Variants in PRDM5 observed in about 807,000 individuals in gnomAD.
PRDM5 encodes the protein PR/SET domain 5.
A neutral mutation model predicts 81.2 loss-of-function variants in PRDM5; 56 were observed. The ratio of observed to expected loss-of-function variants is 0.69; its 90% CI spans 0.56 to 0.86. PRDM5 has a LOEUF of 0.86. PRDM5 is among the 40% of genes least tolerant of loss of function. The probability of loss-of-function intolerance (pLI) is 0.00; values close to 1 mark genes in which losing one functional copy is unlikely to be tolerated. For missense variants in PRDM5, 697 were observed against 770.1 expected (o/e 0.91, Z 1.12); for synonymous variants, 267 against 256.4 (o/e 1.04, Z -0.39).
At chr4:120,852,110 C>T (rs923043755) in intron 3 of PRDM5, among the ~76,000 whole-genome samples, 2 of 152,026 alleles carry the variant, frequency 1.3e-5, no homozygotes, top group East Asian at 1.9e-4. Flanking sequence ...AAAACTATAT[C>T]GTTTTCTCTT....
chr4:120,857,977 G>T (rs2148485935), intron 2 of PRDM5, among the ~76,000 whole-genome samples: 1 of 152,136 alleles, frequency 6.6e-6, no homozygotes, highest in Admixed American at 6.5e-5. Flanking sequence ...AGCCAGATTT[G>T]CCCCCCAGAA....
chr4:120,845,284 T>C (rs1758529712), intron 3 of PRDM5, among the ~76,000 whole-genome samples: 1 of 152,218 alleles, frequency 6.6e-6, no homozygotes, highest in South Asian at 2.1e-4. Context: ...GAAGATACCA[T>C]CTAGAATTTT....
At chr4:120,710,259 C>T (rs1410622065) in intron 15 of PRDM5, 50 bp downstream of exon 15, 7 of 1,469,016 alleles carry the variant, frequency 4.8e-6, no homozygotes, top group Non-Finnish European at 6.6e-6. Flanking sequence ...ACACACACCC[C>T]TACTTTCTGT....
chr4:120,780,329 A>G (rs1044416215), intron 12 of PRDM5, among the ~76,000 whole-genome samples: 2 of 152,006 alleles, frequency 1.3e-5, no homozygotes, highest in Non-Finnish European at 2.9e-5. Context: ...GACTAGTCTC[A>G]GCTACTCGGG....
intron 14 of PRDM5, among the ~76,000 whole-genome samples, chr4:120,742,033 A>G (rs566021434): frequency 1.3e-5 from 2 of 152,358 alleles, no homozygotes; most frequent in Non-Finnish European, 2.9e-5. Flanking sequence ...TCCCTGTCTG[A>G]CAGCTTTGAA....
At chr4:120,735,779 C>A (rs1350030686) in intron 14 of PRDM5, among the ~76,000 whole-genome samples, 1 of 152,064 alleles carries the variant, frequency 6.6e-6, no homozygotes, top group Non-Finnish European at 1.5e-5. Context: ...ATCACCTGGA[C>A]AGGATAACAA....
chr4:120,746,737 C>T (rs1743133884), intron 14 of PRDM5, among the ~76,000 whole-genome samples: 1 of 146,366 alleles, frequency 6.8e-6, no homozygotes, highest in African/African-American at 2.5e-5. Context: ...CAATGAGATA[C>T]CATCTCACAC....
intron 14 of PRDM5, among the ~76,000 whole-genome samples, chr4:120,711,704 T>C (rs1737012225): frequency 6.6e-6 from 1 of 152,052 alleles, no homozygotes; most frequent in African/African-American, 2.4e-5. Flanking sequence ...ATAAAAACAA[T>C]AAAGAAAACT....
At chr4:120,710,954 C>T (rs1238113425) in intron 14 of PRDM5, among the ~76,000 whole-genome samples, 3 of 152,322 alleles carry the variant, frequency 2.0e-5, no homozygotes, top group African/African-American at 7.2e-5. Flanking sequence ...GAATAACCCA[C>T]ATCTGTCAGA....
chr4:120,922,693 G>T lies in PRDM5; in HGVS notation c.-85C>A. ...GCACATCGAAATTTGGGGTGCCAGG[G>T]TAGAGGGGAGAAACCGGCAGGGAAG... On this transcript the variant is annotated 5_prime_UTR_variant, in exon 1 of 16. Coordinates refer to ENST00000264808, the MANE Select transcript of PRDM5 (RefSeq NM_018699.4). The T allele has an allele frequency of 6.6e-7, 1 of 1,517,092 alleles. No homozygotes were observed. The highest frequency in any genetic ancestry group is 8.9e-7 in the Non-Finnish European group (1 of 1,118,720). The allele number at this position is 1,517,092 out of a possible 1,614,324, so 94.0% of individuals were successfully genotyped here.
At chr4:120,781,408 C>T (rs1156931486) in intron 11 of PRDM5, 105 bp from the exon 12 acceptor site, 3 of 1,003,458 alleles carry the variant, frequency 3.0e-6, no homozygotes, top group East Asian at 2.6e-5. Context: ...GGCTTTGTAG[C>T]TCTAAGAATG....
chr4:120,910,762 G>T (rs1459569032), intron 1 of PRDM5, among the ~76,000 whole-genome samples: 1 of 152,098 alleles, frequency 6.6e-6, no homozygotes, highest in African/African-American at 2.4e-5. Flanking sequence ...GTATATACAT[G>T]TGCCTTAGTA....
intron 3 of PRDM5, among the ~76,000 whole-genome samples, chr4:120,845,783 G>A (rs1758585876): frequency 6.6e-6 from 1 of 152,184 alleles, no homozygotes; most frequent in Non-Finnish European, 1.5e-5. Flanking sequence ...GTAGACCTGA[G>A]CAAAGTAAAT....
chr4:120,835,098 GC>G (rs1452424928), intron 3 of PRDM5, among the ~76,000 whole-genome samples: 2 of 152,184 alleles, frequency 1.3e-5, no homozygotes, highest in Admixed American at 1.3e-4. Flanking sequence ...GCACTTATGA[GC>G]TCTTAGGACT....
downstream of PRDM5, among the ~76,000 whole-genome samples, chr4:120,689,849 A>C (rs1733970865): frequency 6.6e-6 from 1 of 152,078 alleles, no homozygotes; most frequent in African/African-American, 2.4e-5. Flanking sequence ...TCCTGGGCTC[A>C]AGTGATCTGC....
intron 15 of PRDM5, among the ~76,000 whole-genome samples, chr4:120,696,047 A>T (rs181632092): frequency 2.6e-5 from 4 of 152,226 alleles, no homozygotes; most frequent in Admixed American, 6.6e-5. Context: ...AAAACCTTAC[A>T]CTGAAACAAA....
At chr4:120,805,483 C>T (rs1752780289) in intron 8 of PRDM5, among the ~76,000 whole-genome samples, 2 of 152,160 alleles carry the variant, frequency 1.3e-5, no homozygotes, top group South Asian at 4.1e-4. Context: ...TCCAGCAGCA[C>T]ATCAAAAAGC....
At chr4:120,700,694 G>A (rs796930528) in intron 15 of PRDM5, among the ~76,000 whole-genome samples, 17 of 152,178 alleles carry the variant, frequency 1.1e-4, no homozygotes, top group African/African-American at 4.1e-4. Flanking sequence ...TATTGCAAGA[G>A]ACATTCACAG....
intron 14 of PRDM5, among the ~76,000 whole-genome samples, chr4:120,729,123 T>C (rs1017100616): frequency 2.0e-5 from 3 of 152,096 alleles, no homozygotes; most frequent in Non-Finnish European, 1.5e-5. Flanking sequence ...GCCAGAGCCT[T>C]GATGTTTCTC....
Sources: allele counts gnomAD v4.1 joint callset (sites outside exome capture counted in the v4.1 genomes callset), GRCh38; gene constraint gnomAD v4.1.1; transcripts MANE v1.5; gene names NCBI Gene and HGNC (gene_info 2026-07-23, HGNC 2026-07-21).